Variants in HADHA observed in about 807,000 individuals in gnomAD.
The protein encoded by HADHA is trifunctional enzyme subunit alpha, mitochondrial.
Under a neutral mutation model 91.3 loss-of-function variants are expected in HADHA, and 59 were observed. That is an observed-to-expected ratio of 0.65 (90% CI 0.52 to 0.80). HADHA has a LOEUF of 0.80. Ranked by LOEUF, HADHA falls within the 30% of genes least tolerant of loss-of-function variation. The pLI is 0.00. For synonymous variants in HADHA, 320 were observed against 338.9 expected, an observed-to-expected ratio of 0.94 and a Z score of 0.61; for missense variants, 800 against 927.6, an observed-to-expected ratio of 0.86 and a Z score of 1.79.
intron 7 of HADHA, among the ~76,000 whole-genome samples, chr2:26,223,032 T>C (rs910459438): frequency 1.3e-5 from 2 of 152,144 alleles, no homozygotes; most frequent in Admixed American, 6.5e-5. Context: ...CCCCTAGTGA[T>C]CTAATCTACC....
intron 4 of HADHA, among the ~76,000 whole-genome samples, chr2:26,236,130 T>C (rs1670745557): frequency 6.6e-6 from 1 of 152,242 alleles, no homozygotes; most frequent in Admixed American, 6.5e-5. Context: ...CTTATGTTTT[T>C]GAGTTCTAAC....
At chr2:26,208,371 T>C (rs1670016813) in intron 11 of HADHA, among the ~76,000 whole-genome samples, 1 of 152,220 alleles carries the variant, frequency 6.6e-6, no homozygotes, top group Non-Finnish European at 1.5e-5. Context: ...AGGGGTATTT[T>C]ATTGTTACAT....
rs943596411 is a variant in HADHA, at chr2:26,192,189, C to T, written c.2000+121G>A. The T allele has an allele frequency of 6.0e-6, 4 of 667,762 alleles. No individual in the cohort carries two copies. In the Admixed American group the frequency reaches 7.0e-5, roughly 12 times the overall value. The allele number at this position is 667,762 out of a possible 1,614,324, so 41.4% of individuals were successfully genotyped here. A position where few individuals can be genotyped will look rare whatever the true frequency, so the allele number is the denominator to read the frequency against. On this transcript the variant is annotated intron_variant, in intron 18 of 19. Coordinates refer to ENST00000380649, the MANE Select transcript of HADHA (RefSeq NM_000182.5). ...GGCACGTGTATACCTATGTAACAAA[C>T]CTGCACATGTATCCCAGGACTTAAA... is the stretch of plus-strand genomic sequence containing the variant.
intron 17 of HADHA, 73 bp from the exon 18 acceptor site, chr2:26,192,497 C>G (rs1031026771): frequency 1.1e-6 from 1 of 889,658 alleles, no homozygotes; most frequent in Non-Finnish European, 1.9e-6. Flanking sequence ...TTCTCAGAAC[C>G]CTGGCCTGGC....
At chr2:26,208,114 A>T (rs6711402) in intron 11 of HADHA, among the ~76,000 whole-genome samples, 1 of 152,084 alleles carries the variant, frequency 6.6e-6, no homozygotes, top group Non-Finnish European at 1.5e-5. Context: ...TTTTCTGCCC[A>T]TTTAGTTCTG....
At chr2:26,201,082 TA>T (rs199611032) in intron 13 of HADHA, 66 bp downstream of exon 13, 4,721 of 1,130,270 alleles carry the variant, frequency 4.2e-3, no homozygotes, top group Non-Finnish European at 5.1e-3. Flanking sequence ...ATAGCTCCTT[TA>T]AAAAAAAAAT....
chr2:26,227,315 C>A (rs1299212400), intron 7 of HADHA, among the ~76,000 whole-genome samples: 1 of 152,004 alleles, frequency 6.6e-6, no homozygotes, highest in Non-Finnish European at 1.5e-5. Context: ...AGTTTGAGAC[C>A]AGCCCTGACA....
chr2:26,203,173 G>A (rs1000567035), intron 12 of HADHA, among the ~76,000 whole-genome samples: 3 of 152,196 alleles, frequency 2.0e-5, no homozygotes, highest in Non-Finnish European at 2.9e-5. Context: ...CTGCCAACAC[G>A]ATGAAACCTG....
intron 1 of HADHA, among the ~76,000 whole-genome samples, chr2:26,241,183 C>T (rs1006169449): frequency 1.3e-5 from 2 of 152,188 alleles, no homozygotes. Flanking sequence ...CATAAGACTA[C>T]AGTCAGCGAA....
intron 4 of HADHA, among the ~76,000 whole-genome samples, chr2:26,235,990 C>T (rs1255924605): frequency 6.6e-6 from 1 of 152,246 alleles, no homozygotes; most frequent in Non-Finnish European, 1.5e-5. Context: ...TTTGTAGTGT[C>T]TCCTTCCAGA....
chr2:26,200,018 G>A (rs1002588154), intron 13 of HADHA, among the ~76,000 whole-genome samples: 2 of 152,208 alleles, frequency 1.3e-5, no homozygotes, highest in African/African-American at 4.8e-5. Context: ...GTAGAACACG[G>A]AGACATGAGG....
chr2:26,238,303 C>T (rs114578474), intron 3 of HADHA, among the ~76,000 whole-genome samples: 2,752 of 152,264 alleles, frequency 0.018, 82 homozygotes, highest in African/African-American at 0.061. Flanking sequence ...AGTGCCCAGC[C>T]TGGCTACAAG....
rs1670082095 is a variant in HADHA at position 26,210,741 on chromosome 2, T to C, written c.976-852A>G. ...TTATGGAGAAAAAGTCTCAACTTGG[T>C]GGTTAAAGGCATAATATCTAGGATT... On this transcript the variant is annotated intron_variant, in intron 10 of 19. Transcript: ENST00000380649. This position sits in a 1 kb window ranked among gnomAD's most constrained non-coding sequence, Gnocchi z 4.0. The C allele has an allele frequency of 6.6e-6, 1 of 152,178 alleles. No individual in the cohort carries two copies. Among genetic ancestry groups the C allele is most frequent in the Non-Finnish European group, 1.5e-5 (1 of 68,020 alleles). The allele number at this position is 152,178 out of a possible 1,614,324, so 9.4% of individuals were successfully genotyped here. A position where few individuals can be genotyped will look rare whatever the true frequency, so the allele number is the denominator to read the frequency against.
At chr2:26,195,761 C>G (rs1250175748) in intron 14 of HADHA, among the ~76,000 whole-genome samples, 1 of 152,206 alleles carries the variant, frequency 6.6e-6, no homozygotes, top group Non-Finnish European at 1.5e-5. Context: ...AAGTGTAGTA[C>G]CCGGACCCAA....
chr2:26,193,977 A>G (rs558241530), intron 16 of HADHA, among the ~76,000 whole-genome samples: 9 of 152,194 alleles, frequency 5.9e-5, no homozygotes, highest in African/African-American at 1.7e-4. Context: ...TCTCTAATCT[A>G]CAGCACTTTA....
At chr2:26,231,960 T>C (rs1033776157) in intron 6 of HADHA, among the ~76,000 whole-genome samples, 200 bp downstream of exon 6, 9 of 139,704 alleles carry the variant, frequency 6.4e-5, no homozygotes, top group Admixed American at 2.9e-4. Flanking sequence ...CAGAGCAAGA[T>C]TTTGTCTCAA....
At chr2:26,218,223 C>A (rs945074204) in intron 7 of HADHA, among the ~76,000 whole-genome samples, 2 of 151,668 alleles carry the variant, frequency 1.3e-5, no homozygotes, top group African/African-American at 4.9e-5. Flanking sequence ...TCATTTGAAC[C>A]CGGGAGGTGG....
intron 5 of HADHA, among the ~76,000 whole-genome samples, chr2:26,232,645 T>C (rs1390131742): frequency 1.3e-5 from 2 of 152,200 alleles, no homozygotes; most frequent in East Asian, 3.8e-4. Context: ...TTGCCTTTGC[T>C]CACACCATAC....
chr2:26,192,541 C>T (rs1669539046), intron 17 of HADHA, 117 bp from the exon 18 acceptor site: 3 of 732,580 alleles, frequency 4.1e-6, no homozygotes, highest in Non-Finnish European at 7.5e-6. Context: ...AATCCCAGCA[C>T]TTTGGGAGGC....
Sources: gnomAD v4.1 joint callset for allele counts (sites outside exome capture counted in the v4.1 genomes callset) on GRCh38, gnomAD v4.1.1 for gene constraint, Gnocchi (gnomAD v3.1) non-coding constraint, MANE v1.5 for transcripts, NCBI Gene and HGNC (gene_info 2026-07-23, HGNC 2026-07-21) for gene names.